The following PTPRD variants were observed in gnomAD, a reference collection of about 807,000 sequenced individuals.
The protein encoded by PTPRD is receptor-type tyrosine-protein phosphatase delta.
A neutral mutation model predicts 214.5 loss-of-function variants in PTPRD; 34 were observed. That is an observed-to-expected ratio of 0.16 (90% CI 0.12 to 0.21). The LOEUF is 0.21. PTPRD is among the 10% of genes least tolerant of loss of function. The pLI is 1.00. For synonymous variants in PTPRD, 1,128 were observed against 845.7 expected, an observed-to-expected ratio of 1.33 and a Z score of -5.79; for missense variants, 2,545 against 2,398.7, an observed-to-expected ratio of 1.06 and a Z score of -1.27.
At chr9:9,533,659 T>C (rs1049681359) in intron 8 of PTPRD, among the ~76,000 whole-genome samples, 4 of 152,092 alleles carry the variant, frequency 2.6e-5, no homozygotes, top group African/African-American at 9.6e-5. Context: ...TAATAATTTG[T>C]TGTATCTAAT....
intron 5 of PTPRD, among the ~76,000 whole-genome samples, chr9:9,774,232 T>A (rs2098778147): frequency 6.6e-6 from 1 of 152,224 alleles, no homozygotes; most frequent in Non-Finnish European, 1.5e-5. Flanking sequence ...TGGAGTTTGA[T>A]TTTAATTTGT....
At chr9:9,306,130 G>T (rs1480570238) in intron 9 of PTPRD, among the ~76,000 whole-genome samples, 1 of 152,178 alleles carries the variant, frequency 6.6e-6, no homozygotes, top group East Asian at 1.9e-4. Flanking sequence ...AACCTTGGCA[G>T]TTGCCTTTGG....
At position 9,104,362 on chromosome 9, in the gene PTPRD, C is replaced by T. The variant is rs182697021; in HGVS notation, c.-143+78942G>A. Among the ~76,000 whole-genome samples, 233 of 152,244 alleles carry T rather than the reference C, an allele frequency of 1.5e-3. 1 individual carries two copies. The highest frequency in any genetic ancestry group is 9.6e-4 in the Non-Finnish European group (65 of 68,010). On this transcript the variant is annotated intron_variant, in intron 10 of 45. Coordinates refer to ENST00000381196, the MANE Select transcript of PTPRD (RefSeq NM_002839.4). ...AAAAATCATTTTTAGAATATGGGCT[C>T]TATAAAAACAGATAAGGTAAGTAGA... is the stretch of plus-strand genomic sequence containing the variant.
chr9:9,225,437 T>A (rs1569564696), intron 9 of PTPRD, among the ~76,000 whole-genome samples: 1 of 151,964 alleles, frequency 6.6e-6, no homozygotes. Flanking sequence ...AAGATGAACA[T>A]GATTGATGAA....
At chr9:8,348,545 T>C (rs1019922111) in intron 39 of PTPRD, among the ~76,000 whole-genome samples, 2 of 152,108 alleles carry the variant, frequency 1.3e-5, no homozygotes, top group African/African-American at 2.4e-5. Flanking sequence ...TCTGGTCTTT[T>C]AATAGTAATT....
chr9:10,108,565 A>G (rs2098658469), intron 3 of PTPRD, among the ~76,000 whole-genome samples: 1 of 150,946 alleles, frequency 6.6e-6, no homozygotes, highest in Non-Finnish European at 1.5e-5. Flanking sequence ...GAGCTTCTCA[A>G]AAAATCAAAA....
In PTPRD at chr9:10,113,217, C is replaced by G. The variant is rs540899826; in HGVS notation, c.-544-79427G>C. On this transcript the variant is annotated intron_variant, in intron 3 of 45. Coordinates refer to ENST00000381196, the MANE Select transcript of PTPRD (RefSeq NM_002839.4). ...CATAATAACTAAACAGGAACTGTTTCCAGTGCTTTCATAAAAAATTTATTT... is the reference window on the plus strand; with the variant it reads ...CATAATAACTAAACAGGAACTGTTTGCAGTGCTTTCATAAAAAATTTATTT... 3.6e-4 allele frequency among the ~76,000 whole-genome samples: 55 copies of G among 152,296 alleles called. 1 individual carries two copies. Among genetic ancestry groups the G allele is most frequent in the African/African-American group, 1.3e-3 (53 of 41,566 alleles).
chr9:9,934,109 G>A (rs757224124), intron 5 of PTPRD, among the ~76,000 whole-genome samples: 109 of 149,528 alleles, frequency 7.3e-4, no homozygotes, highest in Admixed American at 1.9e-3. Flanking sequence ...AGCACTAAAC[G>A]CCCACAAGAG....
chr9:8,891,655 G>A (rs183531791), intron 11 of PTPRD, among the ~76,000 whole-genome samples: 3 of 152,080 alleles, frequency 2.0e-5, no homozygotes, highest in Non-Finnish European at 2.9e-5. Context: ...TGCAATGGAC[G>A]CAGCGATGGA....
chr9:8,925,193 G>A (rs2154275129), intron 11 of PTPRD, among the ~76,000 whole-genome samples: 1 of 152,178 alleles, frequency 6.6e-6, no homozygotes, highest in East Asian at 1.9e-4. Flanking sequence ...ATGTGATGAT[G>A]CAGCCAACGT....
chr9:8,942,391 C>G (rs1250507071), intron 11 of PTPRD, among the ~76,000 whole-genome samples: 6 of 152,090 alleles, frequency 3.9e-5, no homozygotes, highest in African/African-American at 1.4e-4. Context: ...ACTGTTTCAC[C>G]TCGTAGTTGA....
chr9:8,467,066 C>T (rs2096559067), intron 31 of PTPRD, among the ~76,000 whole-genome samples: 1 of 151,728 alleles, frequency 6.6e-6, no homozygotes, highest in Non-Finnish European at 1.5e-5. Flanking sequence ...TGTAAAAAAC[C>T]AGTTTTTCAG....
chr9:9,256,546 C>T (rs909827911), intron 9 of PTPRD, among the ~76,000 whole-genome samples: 4 of 151,902 alleles, frequency 2.6e-5, no homozygotes, highest in African/African-American at 9.7e-5. Context: ...CAGGAGGACC[C>T]TTTAAAGTGA....
intron 11 of PTPRD, among the ~76,000 whole-genome samples, chr9:8,836,763 A>C (rs112674477): frequency 0.16 from 23,549 of 150,876 alleles, 2,141 homozygotes; most frequent in East Asian, 0.24. Flanking sequence ...TGTCCAGCTA[A>C]TTTTTTGTAT....
At chr9:10,597,569 G>C (rs1010889743) in intron 2 of PTPRD, among the ~76,000 whole-genome samples, 4 of 151,710 alleles carry the variant, frequency 2.6e-5, no homozygotes, top group African/African-American at 9.7e-5. Context: ...ACTTTGTTAA[G>C]GAGTTAAAAC....
intron 5 of PTPRD, among the ~76,000 whole-genome samples, chr9:9,878,842 G>C (rs949739068): frequency 2.0e-5 from 3 of 152,060 alleles, no homozygotes; most frequent in Non-Finnish European, 2.9e-5. Context: ...AAAAGATGAA[G>C]AGGAAGAACC....
intron 10 of PTPRD, among the ~76,000 whole-genome samples, chr9:9,165,729 G>C (rs1299316811): frequency 6.6e-6 from 1 of 152,062 alleles, no homozygotes; most frequent in East Asian, 1.9e-4. Context: ...TTAACAAGGA[G>C]ATAAGTTAGA....
At chr9:9,453,600 A>C (rs1205505342) in intron 8 of PTPRD, among the ~76,000 whole-genome samples, 1 of 151,624 alleles carries the variant, frequency 6.6e-6, no homozygotes, top group African/African-American at 2.4e-5. Flanking sequence ...GAACAATTCC[A>C]TTTATATTTC....
At chr9:9,728,231 T>G (rs1161659220) in intron 7 of PTPRD, among the ~76,000 whole-genome samples, 1 of 152,190 alleles carries the variant, frequency 6.6e-6, no homozygotes, top group African/African-American at 2.4e-5. Context: ...TTACCCAGTC[T>G]CTGGTATGTC....
Sources: allele counts gnomAD v4.1 joint callset (sites outside exome capture counted in the v4.1 genomes callset), GRCh38; gene constraint gnomAD v4.1.1; transcripts MANE v1.5; gene names NCBI Gene and HGNC (gene_info 2026-07-23, HGNC 2026-07-21).